Variants in CNGA1 observed in about 807,000 individuals in gnomAD.
The protein encoded by CNGA1 is cyclic nucleotide-gated channel alpha-1.
In CNGA1, 53 loss-of-function variants were observed where a neutral mutation model predicts 69.7. That is an observed-to-expected ratio of 0.76 (90% CI 0.61 to 0.96). The LOEUF (loss-of-function observed/expected upper bound fraction) is 0.96. Among genes scored for constraint, CNGA1 ranks in the 40% least tolerant of loss-of-function variants. CNGA1 has a pLI of 0.00. For missense variants in CNGA1, 739 were observed against 811.2 expected (o/e 0.91, Z 1.08); for synonymous variants, 249 against 283.5 (o/e 0.88, Z 1.22).
intron 2 of CNGA1, among the ~76,000 whole-genome samples, chr4:48,005,982 T>C (rs949691872): frequency 6.6e-6 from 1 of 152,228 alleles, no homozygotes; most frequent in African/African-American, 2.4e-5. Context: ...CATAGGAGTA[T>C]ACTTACTCAA....
At chr4:47,969,445 AGTTTTTTGTTT>A (rs1222695477) in intron 3 of CNGA1, among the ~76,000 whole-genome samples, 3 of 151,984 alleles carry the variant, frequency 2.0e-5, no homozygotes, top group East Asian at 1.9e-4. Context: ...AACCAAACTC[AGTTTTTTGTTT>A]GTTTTTTGTT....
At position 47,936,822 on chromosome 4, in the gene CNGA1, C is replaced by T; in HGVS notation, c.1660G>A (p.Gly554Ser). Residue 554 changes from glycine to serine, a missense_variant, in exon 11 of 11, where the codon GGC becomes AGC. Coordinates refer to ENST00000514170, the MANE Select transcript of CNGA1 (RefSeq NM_001379270.1). ...SILNIKGSKA[G>S]NRRTANIKSI... The stretch of plus-strand genomic sequence containing the variant: ...TTAATATTGGCCGTTCTTCGATTGC[C>T]AGCTTTGCTCCCTTTAATGTTAAGA... The T allele has an allele frequency of 6.2e-7, 1 of 1,614,126 alleles. No individual in the cohort carries two copies.
intron 1 of CNGA1, among the ~76,000 whole-genome samples, 160 bp from the exon 2 acceptor site, chr4:48,011,053 G>T (rs1246386949): frequency 6.6e-6 from 1 of 152,222 alleles, no homozygotes; most frequent in Non-Finnish European, 1.5e-5. Context: ...CTCCTGCTGT[G>T]CTCTCAGGCA....
At position 47,936,618 on chromosome 4, in the gene CNGA1, T is replaced by G. The variant is rs781234380; in HGVS notation, c.1864A>C (p.Lys622Gln). ...AGSDPKDLEE[K>Q]VTRMEGSVDL... ...ACTGACCCCTCCATTCGAGTAACCTTCTCTTCAAGATCTTTAGGATCACTG... is the reference window on the plus strand; with the variant it reads ...ACTGACCCCTCCATTCGAGTAACCTGCTCTTCAAGATCTTTAGGATCACTG... Residue 622 changes from lysine (K) to glutamine (Q), a missense_variant, in exon 11 of 11, where the codon AAG becomes CAG. Coordinates refer to ENST00000514170, the MANE Select transcript of CNGA1 (RefSeq NM_001379270.1). 1.9e-6 allele frequency: 3 copies of G among 1,614,168 alleles called. No homozygotes were observed. Among genetic ancestry groups the G allele is most frequent in the Non-Finnish European group, 2.5e-6 (3 of 1,180,020 alleles).
chr4:47,964,467 T>A (rs1201262641), intron 3 of CNGA1, among the ~76,000 whole-genome samples: 1 of 152,066 alleles, frequency 6.6e-6, no homozygotes, highest in Non-Finnish European at 1.5e-5. Context: ...TAATCACTTT[T>A]AAAAATAGAA....
intron 6 of CNGA1, among the ~76,000 whole-genome samples, chr4:47,947,007 C>T (rs528604177): frequency 2.6e-5 from 4 of 152,228 alleles, no homozygotes; most frequent in South Asian, 2.1e-4. Flanking sequence ...AGGCTGGTCT[C>T]GATTCCTGAC....
At chr4:47,985,639 C>T (rs1240485646) in intron 2 of CNGA1, among the ~76,000 whole-genome samples, 1 of 152,160 alleles carries the variant, frequency 6.6e-6, no homozygotes, top group African/African-American at 2.4e-5. Flanking sequence ...CACAATGAAT[C>T]TCACATACAC....
intron 6 of CNGA1, 67 bp from the exon 7 acceptor site, chr4:47,943,479 A>C: frequency 3.9e-6 from 4 of 1,024,794 alleles, no homozygotes; most frequent in Non-Finnish European, 5.6e-6. Flanking sequence ...TTTCTTTTTC[A>C]TTGAGCAAAA....
At chr4:47,952,065 A>G (rs1437497110) in intron 4 of CNGA1, among the ~76,000 whole-genome samples, 1 of 152,186 alleles carries the variant, frequency 6.6e-6, no homozygotes, top group African/African-American at 2.4e-5. Context: ...AGTGACCACA[A>G]TAATATCTAT....
intron 2 of CNGA1, among the ~76,000 whole-genome samples, chr4:48,007,975 G>A (rs1203412253): frequency 2.0e-5 from 3 of 152,082 alleles, no homozygotes; most frequent in Non-Finnish European, 4.4e-5. Flanking sequence ...ACAGCAAGAT[G>A]CAATAGAAGT....
intron 3 of CNGA1, among the ~76,000 whole-genome samples, chr4:47,961,348 G>A (rs546576858): frequency 6.6e-6 from 1 of 152,326 alleles, no homozygotes; most frequent in Non-Finnish European, 1.5e-5. Context: ...ATTGAGTAAG[G>A]TTGGGGTTGG....
At chr4:48,005,333 G>T (rs1416928952) in intron 2 of CNGA1, among the ~76,000 whole-genome samples, 2 of 151,966 alleles carry the variant, frequency 1.3e-5, no homozygotes, top group Admixed American at 6.6e-5. Context: ...GGCCAGGCTG[G>T]TCTCGAACTC....
chr4:47,952,489 G>C (rs187061658), intron 4 of CNGA1, 94 bp downstream of exon 4: 1 of 1,377,246 alleles, frequency 7.3e-7, no homozygotes, highest in Non-Finnish European at 1.0e-6. Context: ...AAAGTTCAAG[G>C]TTACAAATTA....
At chr4:48,009,219 C>T (rs757964454) in intron 2 of CNGA1, among the ~76,000 whole-genome samples, 7 of 152,124 alleles carry the variant, frequency 4.6e-5, no homozygotes, top group Non-Finnish European at 7.4e-5. Context: ...GTAATCCCAG[C>T]ACTTTGGGAG....
At chr4:47,953,724 C>A (rs1441213907) in intron 3 of CNGA1, among the ~76,000 whole-genome samples, 1 of 152,166 alleles carries the variant, frequency 6.6e-6, no homozygotes, top group African/African-American at 2.4e-5. Flanking sequence ...GCCTTCTTCA[C>A]TGGCTTCAGC....
intron 3 of CNGA1, among the ~76,000 whole-genome samples, chr4:47,974,606 G>T (rs1266945259): frequency 6.6e-6 from 1 of 152,142 alleles, no homozygotes; most frequent in Admixed American, 6.5e-5. Flanking sequence ...AAGGTCTGGA[G>T]ATCTGTTATA....
At chr4:47,958,292 T>C (rs1740216116) in intron 3 of CNGA1, among the ~76,000 whole-genome samples, 1 of 152,126 alleles carries the variant, frequency 6.6e-6, no homozygotes, top group African/African-American at 2.4e-5. Flanking sequence ...AAAAATCCTA[T>C]TTGGCCTTCA....
chr4:47,960,563 C>A (rs1364196852), intron 3 of CNGA1, among the ~76,000 whole-genome samples: 1 of 152,066 alleles, frequency 6.6e-6, no homozygotes, highest in Admixed American at 6.5e-5. Context: ...GAATTCCAAT[C>A]TTTTGCTTAT....
intron 3 of CNGA1, among the ~76,000 whole-genome samples, chr4:47,970,660 A>G (rs988247719): frequency 3.3e-5 from 5 of 150,094 alleles, no homozygotes; most frequent in African/African-American, 7.3e-5. Context: ...TAAAAAAAAA[A>G]AAGAAAGAAA....
Sources: allele counts gnomAD v4.1 joint callset (sites outside exome capture counted in the v4.1 genomes callset), GRCh38; gene constraint gnomAD v4.1.1; transcripts MANE v1.5; gene names NCBI Gene and HGNC (gene_info 2026-07-23, HGNC 2026-07-21).